HCFC1: variants seen among roughly 807,000 people sequenced by gnomAD.
HCFC1 encodes host cell factor 1.
Under a neutral mutation model 105.5 loss-of-function variants are expected in HCFC1, and 7 were observed. That is an observed-to-expected ratio of 0.07 (90% CI 0.04 to 0.12). The LOEUF is 0.12. HCFC1 is among the 10% of genes least tolerant of loss of function. The probability of loss-of-function intolerance (pLI) is 1.00; values close to 1 mark genes in which losing one functional copy is unlikely to be tolerated. For synonymous variants in HCFC1, 918 were observed against 828.1 expected (o/e 1.11, Z -1.86); for missense variants, 1,065 against 1,823.6 (o/e 0.58, Z 7.58).
At chrX:153,964,820 G>C in intron 1 of HCFC1, 94 bp from the exon 2 acceptor site, 1 of 941,495 alleles carries the variant, frequency 1.1e-6, no homozygotes, top group Non-Finnish European at 1.4e-6. Context: ...GGTGAGAGGG[G>C]CTGAGCCAGC....
rs781862126 is a variant in HCFC1, at chrX:153,950,736, C to G, written c.5703+77G>C. On this transcript the variant is annotated intron_variant, in intron 23 of 25. Coordinates refer to ENST00000310441, the MANE Select transcript of HCFC1 (RefSeq NM_005334.3). ...GACTCAAAACCTAGCTCTCCTATGC[C>G]CCCCCCCGGCCACCTCATGTGCTGA... is the stretch of plus-strand genomic sequence containing the variant. The G allele has an allele frequency of 9.5e-5, 98 of 1,032,273 alleles. No individual in the cohort carries two copies. In the Middle Eastern group the frequency reaches 1.4e-3, roughly 15 times the overall value. 85.1% of individuals were successfully genotyped at this position (1,032,273 alleles called of 1,213,427 possible).
In HCFC1 at chrX:153,954,763, G is replaced by C; in HGVS notation, c.3636C>G (p.Ala1212=). The change falls in exon 17 of 26, where the codon GCC becomes GCG. Residue 1212 remains alanine, a synonymous_variant. Coordinates refer to ENST00000310441, the MANE Select transcript of HCFC1 (RefSeq NM_005334.3). ...GGRSPAFVQL[A]PLSSKVRLSS... ...TCAGCCTGACTTTGCTGCTCAGAGG[G>C]GCCAACTGCACAAAAGCAGGGCTGC... The C allele has an allele frequency of 8.5e-7, 1 of 1,172,220 alleles. No individual in the cohort carries two copies. Among genetic ancestry groups the C allele is most frequent in the Non-Finnish European group, 1.1e-6 (1 of 876,103 alleles).
rs782480232 is a variant in HCFC1 at position 153,954,665 on chromosome X, G to C, written c.3734C>G (p.Ser1245Cys). Residue 1245 changes from serine (S) to cysteine (C), a missense_variant, in exon 17 of 26, where the codon TCC becomes TGC. Physicochemically the swap from Ser to Cys is moderately radical, Grantham distance 112. This residue lies in a region of HCFC1 where 546 missense variants were observed against 599.9 expected (regional missense o/e 0.91). Coordinates refer to ENST00000310441, the MANE Select transcript of HCFC1 (RefSeq NM_005334.3). ...HAVSTAAMTR[S>C]SVGAGEPRMA... is the part of the protein sequence containing the mutation. ...GCGGGGCTCCCCAGCACCCACGCTGGAACGGGTCATGGCAGCGGTGCTGAC... is the reference window on the plus strand; with the variant it reads ...GCGGGGCTCCCCAGCACCCACGCTGCAACGGGTCATGGCAGCGGTGCTGAC... 20 of 1,206,332 alleles carry C rather than the reference G, an allele frequency of 1.7e-5. No individual in the cohort carries two copies. In the East Asian group the frequency reaches 4.8e-4, roughly 29 times the overall value.
At chrX:153,957,212 A>C in intron 13 of HCFC1, 102 bp downstream of exon 13, 1 of 981,269 alleles carries the variant, frequency 1.0e-6, no homozygotes, top group Non-Finnish European at 1.4e-6. Context: ...AGAAGATAGA[A>C]AAGGGTAAAC....
intron 23 of HCFC1, 73 bp downstream of exon 23, chrX:153,950,740 C>G (rs986383327): frequency 2.3e-5 from 24 of 1,058,183 alleles, no homozygotes; most frequent in South Asian, 5.9e-5. Flanking sequence ...CTATGCCCCC[C>G]CCCGGCCACC....
At position 153,954,268 on chromosome X, in the gene HCFC1, A is replaced by G. The variant is rs1557113629; in HGVS notation, c.4131T>C (p.Leu1377=). The change falls in exon 17 of 26, where the codon CTT becomes CTC. Residue 1377 remains leucine (L), a synonymous_variant. Coordinates refer to ENST00000310441, the MANE Select transcript of HCFC1 (RefSeq NM_005334.3). ...TCCTGTGGGAAGAAGTGGCGTCGGG[A>G]AGCAGGGCACCCACGCTGACCGACA... ...TTMSVSVGAL[L]PDATSSHRTV... 1 of 1,203,591 alleles carries G rather than the reference A, an allele frequency of 8.3e-7. No homozygotes were observed.
Position 153,955,035 on chromosome X carries a change from T to C in HCFC1, c.3364A>G (p.Thr1122Ala). ...HETGTTNTAT[T>A]AMSSVGANHQ... ...TTGGCGCCGACGCTCGACATGGCTG[T>C]AGTGGCAGTGTTGGTGGTGCCCGTC... Residue 1122 changes from threonine to alanine, a missense_variant, in exon 17 of 26, where the codon ACA becomes GCA. Physicochemically the swap from Thr to Ala is moderately conservative, Grantham distance 58 (BLOSUM62 0). Around this residue, in one of 17 missense-constraint regions of HCFC1, gnomAD observed 546 missense variants for 599.9 expected, o/e 0.91. Transcript: ENST00000310441. The C allele has an allele frequency of 8.3e-7, 1 of 1,210,444 alleles. No homozygotes were observed. The highest frequency in any genetic ancestry group is 1.1e-6 in the Non-Finnish European group (1 of 895,065).
At chrX:153,967,249 C>T (rs1426533568) in intron 1 of HCFC1, among the ~76,000 whole-genome samples, 1 of 112,139 alleles carries the variant, frequency 8.9e-6, no homozygotes, top group Non-Finnish European at 1.9e-5. Context: ...TTGGGCCCCT[C>T]ATCCTGGAAA....
Position 153,964,146 on chromosome X carries a change from C to T in HCFC1, c.481G>A (p.Asp161Asn). 8.3e-7 allele frequency: 1 copy of T among 1,204,451 alleles called. No individual in the cohort carries two copies. Among genetic ancestry groups the T allele is most frequent in the Non-Finnish European group, 1.1e-6 (1 of 891,112 alleles). ...LFGGLANDSE[D>N]PKNNIPRYLN... ...CACCTTGGAATGTTGTTCTTTGGGT[C>T]CTCGCTATCATTGGCCAGACCCCCA... Residue 161 changes from aspartate to asparagine, a missense_variant, in exon 3 of 26, where the codon GAC (aspartate) becomes AAC (asparagine). Around this residue, in one of 17 missense-constraint regions of HCFC1, gnomAD observed 38 missense variants for 190.1 expected, o/e 0.20. Coordinates refer to ENST00000310441, the MANE Select transcript of HCFC1 (RefSeq NM_005334.3).
rs1021644351 is a variant in HCFC1 at position 153,951,885 on chromosome X, G to A, written c.5216C>T (p.Thr1739Met). The change falls in exon 20 of 26, where the codon ACG becomes ATG. Residue 1739 changes from threonine to methionine, a missense_variant. Thr to Met is a moderately conservative substitution (Grantham distance 81). Coordinates refer to ENST00000310441, the MANE Select transcript of HCFC1 (RefSeq NM_005334.3). ...ESNCLNELAGTVPSTVALLPS... is the reference protein window; with the variant it reads ...ESNCLNELAGMVPSTVALLPS... ...CAGCAGCGCCACAGTGCTGGGGACC[G>A]TGCCGGCCAGCTCATTGAGGCAATT... 3.0e-5 allele frequency: 36 copies of A among 1,193,723 alleles called. No individual in the cohort carries two copies. Among genetic ancestry groups the A allele is most frequent in the Non-Finnish European group, 3.6e-5 (32 of 885,095 alleles).
chrX:153,960,590 A>G (rs941852167), intron 6 of HCFC1, among the ~76,000 whole-genome samples, 176 bp from the exon 7 acceptor site: 7 of 112,587 alleles, frequency 6.2e-5, no homozygotes, highest in Non-Finnish European at 1.3e-4. Flanking sequence ...AACACAAAAA[A>G]TAAAATTACA....
chrX:153,957,930 C>T (rs1557115633), intron 11 of HCFC1, 44 bp from the exon 12 acceptor site: 1 of 1,157,831 alleles, frequency 8.6e-7, no homozygotes, highest in African/African-American at 1.8e-5. Flanking sequence ...GGAAACCAAA[C>T]AAGGGCATGG....
In HCFC1 at chrX:153,954,547, G is replaced by A. The variant is rs781889463; in HGVS notation, c.3852C>T (p.Thr1284=). ...ALEALLCPSA[T]VTQVCSNPPC... ...GTGGGTTGGAGCAGACTTGGGTCACGGTGGCCGAGGGGCACAGCAGTGCCT... is the reference window on the plus strand; with the variant it reads ...GTGGGTTGGAGCAGACTTGGGTCACAGTGGCCGAGGGGCACAGCAGTGCCT... The change falls in exon 17 of 26, where the codon ACC becomes ACT. Residue 1284 remains threonine, a synonymous_variant. Coordinates refer to ENST00000310441, the MANE Select transcript of HCFC1 (RefSeq NM_005334.3). 2.5e-5 allele frequency: 30 copies of A among 1,210,132 alleles called. No homozygotes were observed. Among genetic ancestry groups the A allele is most frequent in the South Asian group, 5.3e-5 (3 of 56,829 alleles).
Position 153,957,395 on chromosome X carries a change from G to A in HCFC1, c.2272C>T (p.Pro758Ser). ...PTILGISSVS[P>S]STTKPGTTTI... ...GTCGTGCCGGGCTTGGTGGTACTGG[G>A]GGAGACGCTGCTGATGCCCAGGATG... The change falls in exon 13 of 26, where the codon CCC becomes TCC. Residue 758 changes from proline (P) to serine (S), a missense_variant. This residue lies in a region of HCFC1 where 137 missense variants were observed against 378.2 expected (regional missense o/e 0.36). Transcript: ENST00000310441. 1 of 1,209,949 alleles carries A rather than the reference G, an allele frequency of 8.3e-7. No individual in the cohort carries two copies. The highest frequency in any genetic ancestry group is 3.0e-5 in the East Asian group (1 of 33,769).
At chrX:153,969,993 A>C (rs2065510940) in intron 1 of HCFC1, 2 of 113,175 alleles carry the variant, frequency 1.8e-5, no homozygotes, top group Admixed American at 9.2e-5. Flanking sequence ...AGGGGTCCCC[A>C]AGGCTCCGGC....
chrX:153,970,821 G>T lies in HCFC1; in HGVS notation c.20C>A (p.Pro7His). The T allele has an allele frequency of 8.6e-7, 1 of 1,166,139 alleles. No homozygotes were observed. The highest frequency in any genetic ancestry group is 1.1e-6 in the Non-Finnish European group (1 of 876,074). ...CAGAAGCACCGCTGGCAAGTTGGCG[G>T]GCGACACGGCCGAAGCCATAGTTCC... MASAVS[P>H]ANLPAVLLQP... Residue 7 changes from proline (P) to histidine (H), a missense_variant, in exon 1 of 26, where the codon CCC becomes CAC. This residue lies in a region of HCFC1 where 12 missense variants were observed against 16.1 expected (regional missense o/e 0.74). Transcript: ENST00000310441.
At position 153,964,164 on chromosome X, in the gene HCFC1, G is replaced by A. The variant is rs2065454798; in HGVS notation, c.463C>T (p.Leu155=). The A allele has an allele frequency of 8.3e-7, 1 of 1,207,883 alleles. No homozygotes were observed. ...VGNKCYLFGG[L]ANDSEDPKNN... The stretch of plus-strand genomic sequence containing the variant: ...TTTGGGTCCTCGCTATCATTGGCCA[G>A]ACCCCCAAACAGGTAGCATTTGTTG... The change falls in exon 3 of 26, where the codon CTG becomes TTG. Residue 155 remains leucine, a synonymous_variant. Coordinates refer to ENST00000310441, the MANE Select transcript of HCFC1 (RefSeq NM_005334.3).
chrX:153,953,775 G>A lies in HCFC1; in HGVS notation c.4334-5C>T. 8.3e-7 allele frequency: 1 copy of A among 1,199,361 alleles called. No homozygotes were observed. Among genetic ancestry groups the A allele is most frequent in the Non-Finnish European group, 1.1e-6 (1 of 889,594 alleles). ...CGCTGGCAGCAGGTGGGGGGTCTGT[G>A]GGGGCGACAGGCAGGCGGCTGCTCA... On this transcript the variant is annotated splice_region_variant and splice_polypyrimidine_tract_variant and intron_variant, in intron 17 of 25. Coordinates refer to ENST00000310441, the MANE Select transcript of HCFC1 (RefSeq NM_005334.3).
At chrX:153,964,862 C>A (rs1024649676) in intron 1 of HCFC1, 136 bp from the exon 2 acceptor site, 5 of 576,590 alleles carry the variant, frequency 8.7e-6, no homozygotes, top group Non-Finnish European at 1.2e-5. Context: ...GCAACTCCAG[C>A]TGCGCTACCT....
Sources: gnomAD v4.1 joint callset for allele counts (sites outside exome capture counted in the v4.1 genomes callset) on GRCh38, gnomAD v4.1.1 for gene constraint, gnomAD v4.1.1 regional missense constraint, MANE v1.5 for transcripts, NCBI Gene and HGNC (gene_info 2026-07-23, HGNC 2026-07-21) for gene names.